Variants in SYT16 observed in about 807,000 individuals in gnomAD.
SYT16 encodes the protein synaptotagmin 16.
SYT16 carries 42 observed loss-of-function variants against 61.4 expected under a neutral mutation model. The ratio of observed to expected loss-of-function variants is 0.68; its 90% CI spans 0.53 to 0.89. The LOEUF is 0.89. Ranked by LOEUF, SYT16 falls within the 40% of genes least tolerant of loss-of-function variation. The probability of loss-of-function intolerance (pLI) is 0.00; values close to 1 mark genes in which losing one functional copy is unlikely to be tolerated. For synonymous variants in SYT16, 314 were observed against 302.3 expected, an observed-to-expected ratio of 1.04 and a Z score of -0.40; for missense variants, 804 against 807.3, an observed-to-expected ratio of 1.00 and a Z score of 0.05.
At chr14:61,830,781 C>CACTGA (rs2045913329) in intron 1 of SYT16, among the ~76,000 whole-genome samples, 1 of 152,068 alleles carries the variant, frequency 6.6e-6, no homozygotes, top group Non-Finnish European at 1.5e-5. Context: ...AGGGAAGGGG[C>CACTGA]ACTGCTTCTT....
intron 3 of SYT16, among the ~76,000 whole-genome samples, chr14:62,027,797 TGA>T (rs1375323236): frequency 6.6e-6 from 1 of 152,214 alleles, no homozygotes; most frequent in Admixed American, 6.5e-5. Flanking sequence ...ATGTTTAATT[TGA>T]GTCTTGTGTT....
intron 1 of SYT16, among the ~76,000 whole-genome samples, chr14:61,926,117 T>C (rs570054592): frequency 1.9e-4 from 29 of 152,222 alleles, no homozygotes; most frequent in African/African-American, 6.0e-4. Flanking sequence ...GTGGGAGATA[T>C]CGGGGTTTCA....
chr14:61,813,753 A>G (rs1027740639), intron 1 of SYT16, among the ~76,000 whole-genome samples: 1 of 151,514 alleles, frequency 6.6e-6, no homozygotes, highest in African/African-American at 2.4e-5. Context: ...GCCACAGAGG[A>G]AAAAAACAAA....
At chr14:62,090,470 GAA>G (rs1234657779) in intron 7 of SYT16, among the ~76,000 whole-genome samples, 1 of 152,016 alleles carries the variant, frequency 6.6e-6, no homozygotes, top group Non-Finnish European at 1.5e-5. Context: ...AGAGTGCAGG[GAA>G]AAAAAGACTC....
At chr14:61,894,466 A>G (rs1162841194) in intron 1 of SYT16, among the ~76,000 whole-genome samples, 1 of 152,154 alleles carries the variant, frequency 6.6e-6, no homozygotes, top group Non-Finnish European at 1.5e-5. Context: ...CTGCAGCTCA[A>G]TGAGAGGTGA....
At position 62,108,262 on chromosome 14, in the gene SYT16, A is replaced by G. The variant is rs183258041; in HGVS notation, c.*7555A>G. 6.6e-6 allele frequency: 1 copy of G among 152,318 alleles called. No individual in the cohort carries two copies. The highest frequency in any genetic ancestry group is 1.9e-4 in the East Asian group (1 of 5,190). 9.4% of individuals were successfully genotyped at this position (152,318 alleles called of 1,614,324 possible). A position where few individuals can be genotyped will look rare whatever the true frequency, so the allele number is the denominator to read the frequency against. ...CTACTAAACATGTCTTAGTCCACGC[A>G]AATTAACTCAAAATCTTTGGTGGCC... is the stretch of plus-strand genomic sequence containing the variant. On this transcript the variant is annotated 3_prime_UTR_variant, in exon 8 of 8. Coordinates refer to ENST00000683842, the MANE Select transcript of SYT16 (RefSeq NM_001367656.1).
At chr14:62,053,674 G>A (rs1381452087) in intron 3 of SYT16, among the ~76,000 whole-genome samples, 1 of 152,146 alleles carries the variant, frequency 6.6e-6, no homozygotes, top group African/African-American at 2.4e-5. Flanking sequence ...AGAAAAGTAT[G>A]AATTAAGACT....
intron 1 of SYT16, among the ~76,000 whole-genome samples, chr14:61,831,451 G>C (rs1454211807): frequency 6.6e-6 from 1 of 151,986 alleles, no homozygotes; most frequent in East Asian, 1.9e-4. Flanking sequence ...TAACCATTAT[G>C]GGTATAGGTG....
intron 3 of SYT16, among the ~76,000 whole-genome samples, chr14:62,010,226 C>T (rs2053390079): frequency 6.6e-6 from 1 of 152,184 alleles, no homozygotes; most frequent in South Asian, 2.1e-4. Context: ...ATGTCTTACC[C>T]ATATGTGATA....
intron 2 of SYT16, among the ~76,000 whole-genome samples, chr14:61,976,841 G>A (rs2051827755): frequency 6.6e-6 from 1 of 151,942 alleles, no homozygotes; most frequent in Non-Finnish European, 1.5e-5. Context: ...ACAAATTTCT[G>A]CAGCCAGCTT....
At chr14:61,967,687 A>T (rs1189496722) in intron 1 of SYT16, among the ~76,000 whole-genome samples, 1 of 152,130 alleles carries the variant, frequency 6.6e-6, no homozygotes, top group South Asian at 2.1e-4. Context: ...GGATGAACTC[A>T]TTTCAAAATC....
chr14:62,070,310 A>G (rs1566818402), intron 4 of SYT16, among the ~76,000 whole-genome samples: 1 of 152,232 alleles, frequency 6.6e-6, no homozygotes, highest in Non-Finnish European at 1.5e-5. Context: ...TATCTTTCAA[A>G]TAAAAAAAGT....
At chr14:61,887,212 A>G (rs2047942700) in intron 1 of SYT16, among the ~76,000 whole-genome samples, 1 of 152,198 alleles carries the variant, frequency 6.6e-6, no homozygotes, top group African/African-American at 2.4e-5. Context: ...TAATATTTTG[A>G]AAGGAATCTT....
In SYT16 at chr14:61,996,313, G is replaced by T. The variant is rs758568904; in HGVS notation, c.294G>T (p.Leu98Phe). 2 of 1,613,468 alleles carry T rather than the reference G, an allele frequency of 1.2e-6. No homozygotes were observed. The highest frequency in any genetic ancestry group is 1.7e-6 in the Non-Finnish European group (2 of 1,179,556). Reference sequence around the variant, plus strand: ...ATTTCTCATGTTGTAATAGTGATTTGCAGGACTCTGCCCAAAATTCAAGCC... The same window carrying T: ...ATTTCTCATGTTGTAATAGTGATTTTCAGGACTCTGCCCAAAATTCAAGCC... ...VDHFSCCNSD[L>F]QDSAQNSSPS... Residue 98 changes from leucine to phenylalanine, a missense_variant, in exon 3 of 8, where the codon TTG becomes TTT. Leu to Phe is a conservative substitution (Grantham distance 22). Coordinates refer to ENST00000683842, the MANE Select transcript of SYT16 (RefSeq NM_001367656.1).
intron 1 of SYT16, among the ~76,000 whole-genome samples, chr14:61,964,266 G>T (rs1223922584): frequency 6.6e-6 from 1 of 152,114 alleles, no homozygotes; most frequent in East Asian, 1.9e-4. Flanking sequence ...CATTTGGAAA[G>T]GTTCACCATT....
chr14:62,040,426 T>C (rs1243993594), intron 3 of SYT16, among the ~76,000 whole-genome samples: 1 of 152,234 alleles, frequency 6.6e-6, no homozygotes, highest in Non-Finnish European at 1.5e-5. Flanking sequence ...TCTTTATGTA[T>C]TTATCCACAT....
intron 2 of SYT16, among the ~76,000 whole-genome samples, chr14:61,989,382 G>C (rs939581462): frequency 6.6e-6 from 1 of 152,084 alleles, no homozygotes; most frequent in Non-Finnish European, 1.5e-5. Context: ...GGCCAACATG[G>C]CGAAACCCCG....
intron 1 of SYT16, among the ~76,000 whole-genome samples, chr14:61,888,764 A>G (rs1566654668): frequency 7.0e-6 from 1 of 143,390 alleles, no homozygotes; most frequent in Non-Finnish European, 1.5e-5. Flanking sequence ...ACAACCTTCA[A>G]TTTGTAAAAA....
rs141184081 is a variant in SYT16 at position 61,995,933 on chromosome 14, T to C, written c.-87T>C. ...ATTAAGAGACCTCCAAATTAATTTC[T>C]CAACATGCTTATTCTATAGTTCACA... On this transcript the variant is annotated 5_prime_UTR_variant, in exon 3 of 8. Coordinates refer to ENST00000683842, the MANE Select transcript of SYT16 (RefSeq NM_001367656.1). 6,872 of 1,356,888 alleles carry C rather than the reference T, an allele frequency of 5.1e-3. 38 individuals are homozygous for C. Among genetic ancestry groups the C allele is most frequent in the African/African-American group, 0.015 (1,020 of 68,604 alleles). 84.1% of individuals were successfully genotyped at this position (1,356,888 alleles called of 1,614,324 possible). A position where few individuals can be genotyped will look rare whatever the true frequency, so the allele number is the denominator to read the frequency against.
Sources: gnomAD v4.1 joint callset for allele counts (sites outside exome capture counted in the v4.1 genomes callset) on GRCh38, gnomAD v4.1.1 for gene constraint, MANE v1.5 for transcripts, NCBI Gene and HGNC (gene_info 2026-07-23, HGNC 2026-07-21) for gene names.